Variants in RNFT2 observed in about 807,000 individuals in gnomAD.
RNFT2 encodes the protein E3 ubiquitin-protein ligase RNFT2.
RNFT2 carries 36 observed loss-of-function variants against 53.0 expected under a neutral mutation model. That is an observed-to-expected ratio of 0.68 (90% CI 0.52 to 0.90). The LOEUF (loss-of-function observed/expected upper bound fraction) is 0.90, where lower values mean the gene tolerates loss of function less well. Ranked by LOEUF, RNFT2 falls within the 40% of genes least tolerant of loss-of-function variation. The pLI is 0.00. For missense variants in RNFT2, 514 were observed against 585.6 expected (o/e 0.88, Z 1.26); for synonymous variants, 260 against 253.2 (o/e 1.03, Z -0.26).
At chr12:116,763,246 C>T (rs2137093483) in intron 5 of RNFT2, among the ~76,000 whole-genome samples, 1 of 151,266 alleles carries the variant, frequency 6.6e-6, no homozygotes, top group Middle Eastern at 3.5e-3. Flanking sequence ...AGAAGATATA[C>T]AAATGGCCAA....
intron 10 of RNFT2, among the ~76,000 whole-genome samples, chr12:116,839,929 T>G (rs1877169905): frequency 1.3e-5 from 2 of 152,200 alleles, no homozygotes; most frequent in South Asian, 4.1e-4. Flanking sequence ...GGGCAGACAC[T>G]GAGCATGTCC....
chr12:116,829,026 C>T (rs1046337683), intron 7 of RNFT2, among the ~76,000 whole-genome samples: 1 of 151,564 alleles, frequency 6.6e-6, no homozygotes, highest in African/African-American at 2.4e-5. Flanking sequence ...AACTGCAGGT[C>T]AAGACTCGCA....
chr12:116,792,820 A>G (rs894564282), intron 7 of RNFT2, among the ~76,000 whole-genome samples: 4 of 152,140 alleles, frequency 2.6e-5, no homozygotes, highest in African/African-American at 9.7e-5. Flanking sequence ...CTCACGGCAC[A>G]GATGCTCTTT....
intron 7 of RNFT2, among the ~76,000 whole-genome samples, chr12:116,818,153 CA>C (rs201317508): frequency 6.6e-6 from 1 of 151,824 alleles, no homozygotes; most frequent in Non-Finnish European, 1.5e-5. Flanking sequence ...CCCCTCTCTA[CA>C]AAAAAAGTCT....
chr12:116,815,437 G>A (rs1875602131), intron 7 of RNFT2, among the ~76,000 whole-genome samples: 1 of 152,132 alleles, frequency 6.6e-6, no homozygotes, highest in Admixed American at 6.5e-5. Context: ...TCCTTTGGGA[G>A]GCTCCGGGGG....
chr12:116,769,870 A>G (rs1204967483), intron 6 of RNFT2, among the ~76,000 whole-genome samples: 1 of 151,590 alleles, frequency 6.6e-6, no homozygotes, highest in African/African-American at 2.4e-5. Flanking sequence ...CGTCTCTACT[A>G]AAAAAAATAC....
intron 5 of RNFT2, chr12:116,755,647 T>A: frequency 7.5e-7 from 1 of 1,335,848 alleles, no homozygotes; most frequent in Non-Finnish European, 1.1e-6. Flanking sequence ...CTTGTTTGTT[T>A]ACAACAATGC....
chr12:116,815,575 C>T (rs1875611686), intron 7 of RNFT2, among the ~76,000 whole-genome samples: 1 of 152,154 alleles, frequency 6.6e-6, no homozygotes, highest in South Asian at 2.1e-4. Context: ...CTTCCTTCAA[C>T]CTGACCCTCT....
intron 7 of RNFT2, among the ~76,000 whole-genome samples, chr12:116,783,658 T>C (rs893889428): frequency 6.6e-6 from 1 of 152,234 alleles, no homozygotes; most frequent in African/African-American, 2.4e-5. Flanking sequence ...GGAAGGAGCC[T>C]GGACTGAAGC....
In RNFT2 at chr12:116,787,620, G is replaced by C. The variant is rs368596004; in HGVS notation, c.882+8272G>C. Reference sequence around the variant, plus strand: ...AGTCCCAGCCAATTGAGAGGCTGAAGTGGGAGGATCATTGAGCCCAGGAGT... The same window carrying C: ...AGTCCCAGCCAATTGAGAGGCTGAACTGGGAGGATCATTGAGCCCAGGAGT... On this transcript the variant is annotated intron_variant, in intron 7 of 10. Coordinates refer to ENST00000257575, the MANE Select transcript of RNFT2 (RefSeq NM_001382266.1). Among the ~76,000 whole-genome samples the C allele has an allele frequency of 2.0e-5, 3 of 151,968 alleles. No individual in the cohort carries two copies. In the East Asian group the frequency reaches 5.8e-4, roughly 29 times the overall value.
intron 10 of RNFT2, among the ~76,000 whole-genome samples, chr12:116,843,049 C>A (rs957890234): frequency 1.3e-5 from 2 of 152,176 alleles, no homozygotes; most frequent in Non-Finnish European, 2.9e-5. Flanking sequence ...CACATTGGGG[C>A]TGGCTCTTGT....
intron 7 of RNFT2, among the ~76,000 whole-genome samples, chr12:116,818,150 C>T (rs1875787321): frequency 6.6e-6 from 1 of 151,940 alleles, no homozygotes; most frequent in Admixed American, 6.6e-5. Context: ...GACCCCCTCT[C>T]TACAAAAAAA....
intron 7 of RNFT2, among the ~76,000 whole-genome samples, chr12:116,784,171 G>A (rs983640754): frequency 2.6e-5 from 4 of 152,312 alleles, no homozygotes; most frequent in Admixed American, 6.5e-5. Context: ...GTTACTGCAC[G>A]GGGCATTGTA....
chr12:116,783,710 C>T (rs1244190634), intron 7 of RNFT2, among the ~76,000 whole-genome samples: 1 of 152,242 alleles, frequency 6.6e-6, no homozygotes, highest in Non-Finnish European at 1.5e-5. Flanking sequence ...TTCCTTAGCA[C>T]CTGTTGGCTG....
intron 10 of RNFT2, among the ~76,000 whole-genome samples, chr12:116,843,304 C>T (rs977796708): frequency 2.6e-5 from 4 of 151,728 alleles, no homozygotes; most frequent in Non-Finnish European, 5.9e-5. Flanking sequence ...ACCAGCCTGG[C>T]CAACATAGCA....
At chr12:116,832,148 A>ATATATATATATATAT (rs56674314) in intron 7 of RNFT2, among the ~76,000 whole-genome samples, 13 of 55,166 alleles carry the variant, frequency 2.4e-4, no homozygotes, top group Admixed American at 5.4e-4. Context: ...AAAAAAAAAA[A>ATATATATATATATAT]ATATATATAT....
At chr12:116,754,569 T>C (rs886873085) in intron 5 of RNFT2, among the ~76,000 whole-genome samples, 2 of 152,202 alleles carry the variant, frequency 1.3e-5, no homozygotes, top group Non-Finnish European at 2.9e-5. Flanking sequence ...TCACACTGTT[T>C]TTCATAGCGG....
chr12:116,844,855 T>C (rs928657748), intron 10 of RNFT2, among the ~76,000 whole-genome samples: 3 of 152,156 alleles, frequency 2.0e-5, no homozygotes, highest in African/African-American at 7.2e-5. Context: ...CAGGGTAGCA[T>C]AGTTAAGTCC....
intron 5 of RNFT2, among the ~76,000 whole-genome samples, chr12:116,756,519 T>G (rs1157090620): frequency 6.6e-6 from 1 of 152,204 alleles, no homozygotes; most frequent in African/African-American, 2.4e-5. Flanking sequence ...GCCATTTTGC[T>G]GAGAGTTTTA....
Sources: allele counts gnomAD v4.1 joint callset (sites outside exome capture counted in the v4.1 genomes callset), GRCh38; gene constraint gnomAD v4.1.1; transcripts MANE v1.5; gene names NCBI Gene and HGNC (gene_info 2026-07-23, HGNC 2026-07-21).